Variants in SVOPL observed in about 807,000 individuals in gnomAD.
SVOPL encodes the protein putative transporter SVOPL.
Under a neutral mutation model 61.0 loss-of-function variants are expected in SVOPL, and 60 were observed. That is an observed-to-expected ratio of 0.98 (90% CI 0.80 to 1.22). The LOEUF is 1.22. Among genes scored for constraint, SVOPL ranks in the 50% most tolerant of loss-of-function variants. The pLI, the probability that SVOPL is intolerant of heterozygous loss-of-function variation, is 0.00. For missense variants in SVOPL, 662 were observed against 643.9 expected (o/e 1.03, Z -0.30); for synonymous variants, 279 against 250.0 (o/e 1.12, Z -1.09).
At chr7:138,656,336 C>G in intron 7 of SVOPL, 112 bp downstream of exon 7, 1 of 1,049,002 alleles carries the variant, frequency 9.5e-7, no homozygotes, top group Non-Finnish European at 1.4e-6. Flanking sequence ...TTCTGATACT[C>G]GCTTAATTGC....
chr7:138,693,016 T>C (rs1802977403), intron 1 of SVOPL, among the ~76,000 whole-genome samples: 1 of 152,040 alleles, frequency 6.6e-6, no homozygotes, highest in African/African-American at 2.4e-5. Context: ...CCATGTATAA[T>C]TACAAAAATA....
intron 7 of SVOPL, among the ~76,000 whole-genome samples, chr7:138,655,099 AG>A (rs1801656826): frequency 6.6e-6 from 1 of 151,940 alleles, no homozygotes; most frequent in African/African-American, 2.4e-5. Flanking sequence ...CTGAGGTGGG[AG>A]GATCACTTGA....
At chr7:138,693,247 T>C (rs931509983) in intron 1 of SVOPL, among the ~76,000 whole-genome samples, 1 of 152,062 alleles carries the variant, frequency 6.6e-6, no homozygotes, top group Non-Finnish European at 1.5e-5. Context: ...GGTTCACGCC[T>C]GTCATCTCAG....
chr7:138,663,615 A>T, intron 4 of SVOPL: 1 of 986,766 alleles, frequency 1.0e-6, no homozygotes, highest in Non-Finnish European at 1.2e-6. Context: ...AAGTCCTAAG[A>T]TACACCTACT....
At chr7:138,688,022 C>T (rs752681683) in intron 1 of SVOPL, among the ~76,000 whole-genome samples, 4 of 151,914 alleles carry the variant, frequency 2.6e-5, no homozygotes, top group Admixed American at 2.0e-4. Flanking sequence ...AGGATGGTCT[C>T]GATCTCTTGA....
At chr7:138,662,601 C>T in intron 5 of SVOPL, 4 of 987,216 alleles carry the variant, frequency 4.1e-6, no homozygotes, top group Non-Finnish European at 4.8e-6. Context: ...GGGCCTTTTC[C>T]ATTCCCCTTA....
At chr7:138,606,131 G>T (rs1038727294) in intron 14 of SVOPL, among the ~76,000 whole-genome samples, 4 of 152,082 alleles carry the variant, frequency 2.6e-5, no homozygotes, top group African/African-American at 7.2e-5. Context: ...ACACGTCCTG[G>T]TCCTCATGGC....
intron 15 of SVOPL, among the ~76,000 whole-genome samples, chr7:138,596,188 T>TAAA (rs34972084): frequency 0.24 from 28,497 of 119,654 alleles, 3,734 homozygotes; most frequent in East Asian, 0.56. Context: ...GACTCTGTCT[T>TAAA]AAAAAAAAAA....
chr7:138,607,090 A>G (rs918266034), intron 14 of SVOPL, among the ~76,000 whole-genome samples: 1 of 151,970 alleles, frequency 6.6e-6, no homozygotes, highest in Non-Finnish European at 1.5e-5. Flanking sequence ...AAGGTGCCAT[A>G]AGAGCTCACA....
intron 14 of SVOPL, among the ~76,000 whole-genome samples, chr7:138,611,239 A>G (rs1429580775): frequency 6.6e-6 from 1 of 152,146 alleles, no homozygotes; most frequent in Non-Finnish European, 1.5e-5. Flanking sequence ...TTAGTGGGGC[A>G]TGGTGGTGTG....
intron 1 of SVOPL, among the ~76,000 whole-genome samples, chr7:138,681,692 A>G (rs1366513700): frequency 6.6e-6 from 1 of 152,046 alleles, no homozygotes; most frequent in Non-Finnish European, 1.5e-5. Flanking sequence ...GCGTGGTGGC[A>G]TGCACCTGTA....
chr7:138,660,850 G>T (rs1801969938), intron 5 of SVOPL: 1 of 984,206 alleles, frequency 1.0e-6, no homozygotes, highest in South Asian at 4.7e-5. Flanking sequence ...TATAGTAAGG[G>T]TGTCTATATA....
At chr7:138,613,867 C>T (rs2116832710) in intron 14 of SVOPL, among the ~76,000 whole-genome samples, 1 of 152,304 alleles carries the variant, frequency 6.6e-6, no homozygotes, top group Non-Finnish European at 1.5e-5. Context: ...CACACTAGCA[C>T]CATGACTAAT....
At chr7:138,659,524 C>A (rs2117071622) in intron 6 of SVOPL, among the ~76,000 whole-genome samples, 2 of 151,838 alleles carry the variant, frequency 1.3e-5, no homozygotes, top group African/African-American at 4.8e-5. Flanking sequence ...ATGTTAACAT[C>A]TACCTGTGGT....
chr7:138,641,833 T>TATAA (rs1554464901), intron 9 of SVOPL, among the ~76,000 whole-genome samples: 533 of 37,212 alleles, frequency 0.014, 8 homozygotes, highest in African/African-American at 0.034. Flanking sequence ...TATATATATA[T>TATAA]AACATATATA....
intron 9 of SVOPL, among the ~76,000 whole-genome samples, chr7:138,641,803 ATATATATATGT>A (rs1164322083): frequency 1.0e-5 from 1 of 98,684 alleles, no homozygotes; most frequent in South Asian, 4.0e-4. Context: ...GACGTATCAA[ATATATATATGT>A]TATATATATA....
At chr7:138,664,160 GC>G in intron 4 of SVOPL, 3 of 949,558 alleles carry the variant, frequency 3.2e-6, no homozygotes, top group Non-Finnish European at 3.8e-6. Context: ...CCTCAGTGGT[GC>G]CCCCTTCTTG....
intron 3 of SVOPL, among the ~76,000 whole-genome samples, chr7:138,672,925 A>G (rs991031827): frequency 3.3e-5 from 5 of 149,284 alleles, no homozygotes; most frequent in Middle Eastern, 3.4e-3. Flanking sequence ...AAAAAAAAAG[A>G]AGGAGATGCT....
intron 7 of SVOPL, 51 bp from the exon 8 acceptor site, chr7:138,649,188 GAAA>G (rs58569190): frequency 1.2e-5 from 16 of 1,280,958 alleles, no homozygotes; most frequent in East Asian, 5.5e-5. Context: ...TTATGACAAT[GAAA>G]AAAAAAAAGG....
Sources: allele counts gnomAD v4.1 joint callset (sites outside exome capture counted in the v4.1 genomes callset), GRCh38; gene constraint gnomAD v4.1.1; transcripts MANE v1.5; gene names NCBI Gene and HGNC (gene_info 2026-07-23, HGNC 2026-07-21).